GPC6: variants seen among roughly 807,000 people sequenced by gnomAD.
GPC6 encodes the protein glypican-6.
GPC6 carries 14 observed loss-of-function variants against 55.2 expected under a neutral mutation model. That is an observed-to-expected ratio of 0.25 (90% CI 0.17 to 0.40). GPC6 has a LOEUF of 0.40. GPC6 is among the 10% of genes least tolerant of loss of function. The pLI is 1.00. For synonymous variants in GPC6, 278 were observed against 259.6 expected, an observed-to-expected ratio of 1.07 and a Z score of -0.68; for missense variants, 641 against 708.5, an observed-to-expected ratio of 0.90 and a Z score of 1.08.
rs545629765 is a variant in GPC6, at chr13:93,750,844, A to G, written c.320-79310A>G. Among the ~76,000 whole-genome samples, 7 of 152,280 alleles carry G rather than the reference A, an allele frequency of 4.6e-5. No individual in the cohort carries two copies. The East Asian group carries it at 1.4e-3, about 29-fold the overall frequency. On this transcript the variant is annotated intron_variant, in intron 2 of 8. Transcript: ENST00000377047. Reference sequence around the variant, plus strand: ...ACTGCCTTGTTTCTGAACTACCACCATGGTGATTCCAAGGCGAGTCCAACA... The same window carrying G: ...ACTGCCTTGTTTCTGAACTACCACCGTGGTGATTCCAAGGCGAGTCCAACA...
chr13:94,054,099 A>G (rs932176220), intron 4 of GPC6, among the ~76,000 whole-genome samples: 1 of 152,198 alleles, frequency 6.6e-6, no homozygotes, highest in African/African-American at 2.4e-5. Flanking sequence ...TGTTCACCAG[A>G]TGGCATTCTG....
At chr13:93,842,927 C>A (rs374294477) in intron 3 of GPC6, among the ~76,000 whole-genome samples, 243 of 152,096 alleles carry the variant, frequency 1.6e-3, no homozygotes, top group Middle Eastern at 0.01. Context: ...ATTCTAAATT[C>A]TCCATACCCA....
chr13:93,769,849 G>C (rs1885235662), intron 2 of GPC6, among the ~76,000 whole-genome samples: 1 of 152,160 alleles, frequency 6.6e-6, no homozygotes, highest in Non-Finnish European at 1.5e-5. Flanking sequence ...GTAGGCACCA[G>C]CATCACCTGG....
intron 4 of GPC6, among the ~76,000 whole-genome samples, chr13:94,115,308 G>T (rs748990184): frequency 6.6e-6 from 1 of 152,002 alleles, no homozygotes; most frequent in Non-Finnish European, 1.5e-5. Context: ...GATTTGAAAC[G>T]CACTGGTAAT....
intron 6 of GPC6, among the ~76,000 whole-genome samples, chr13:94,377,963 G>A (rs991106299): frequency 2.6e-4 from 40 of 151,996 alleles, no homozygotes; most frequent in African/African-American, 4.1e-4. Context: ...ACCAAACACC[G>A]CATATTCTCA....
chr13:93,567,464 T>C (rs930668257), intron 2 of GPC6, among the ~76,000 whole-genome samples: 2 of 151,586 alleles, frequency 1.3e-5, no homozygotes, highest in Non-Finnish European at 2.9e-5. Flanking sequence ...TGTTAGCCTA[T>C]TGTTCTATTG....
At chr13:94,263,424 G>A (rs1020293241) in intron 4 of GPC6, among the ~76,000 whole-genome samples, 2 of 152,128 alleles carry the variant, frequency 1.3e-5, no homozygotes, top group Non-Finnish European at 2.9e-5. Flanking sequence ...CCATTAAAAG[G>A]AATGGTGACA....
At chr13:93,991,509 A>G (rs991791057) in intron 3 of GPC6, among the ~76,000 whole-genome samples, 7 of 152,190 alleles carry the variant, frequency 4.6e-5, no homozygotes, top group African/African-American at 1.7e-4. Context: ...ATTGTATATC[A>G]ACAAATTTTT....
chr13:94,109,693 T>C (rs1367200044), intron 4 of GPC6, among the ~76,000 whole-genome samples: 1 of 152,144 alleles, frequency 6.6e-6, no homozygotes, highest in African/African-American at 2.4e-5. Context: ...TTTGTGTGTA[T>C]TATGGACAAA....
chr13:93,622,459 G>A (rs891700253), intron 2 of GPC6, among the ~76,000 whole-genome samples: 4 of 151,318 alleles, frequency 2.6e-5, no homozygotes, highest in Non-Finnish European at 5.9e-5. Context: ...TTCTCTGTAG[G>A]TTAAAGATAC....
intron 1 of GPC6, among the ~76,000 whole-genome samples, chr13:93,315,817 A>C (rs1879227833): frequency 6.6e-6 from 1 of 151,900 alleles, no homozygotes; most frequent in African/African-American, 2.4e-5. Flanking sequence ...GTGGGGAGTC[A>C]CTGCCCCATC....
rs138367366 is a variant in GPC6, at chr13:93,323,576, T to A, written c.160+95960T>A. Reference sequence around the variant, plus strand: ...TGTGGGGTTAGCAAGTTCCGCCTCCTCAACAGGACTATGCCTGTGTGGCTC... The same window carrying A: ...TGTGGGGTTAGCAAGTTCCGCCTCCACAACAGGACTATGCCTGTGTGGCTC... On this transcript the variant is annotated intron_variant, in intron 1 of 8. Coordinates refer to ENST00000377047, the MANE Select transcript of GPC6 (RefSeq NM_005708.5). Among the ~76,000 whole-genome samples, 17 of 152,284 alleles carry A rather than the reference T, an allele frequency of 1.1e-4. No homozygotes were observed. The East Asian group carries it at 1.2e-3, about 10-fold the overall frequency.
At chr13:93,370,549 C>A (rs879352840) in intron 1 of GPC6, among the ~76,000 whole-genome samples, 3 of 152,008 alleles carry the variant, frequency 2.0e-5, no homozygotes, top group Admixed American at 2.0e-4. Flanking sequence ...CTAGATATAG[C>A]AAAGTCCCAG....
At chr13:94,019,572 C>G (rs1200841951) in intron 3 of GPC6, among the ~76,000 whole-genome samples, 1 of 152,050 alleles carries the variant, frequency 6.6e-6, no homozygotes, top group Admixed American at 6.6e-5. Flanking sequence ...ATGCATTGCT[C>G]CAGTCACTGC....
At chr13:93,674,878 A>G (rs145767624) in intron 2 of GPC6, among the ~76,000 whole-genome samples, 1 of 152,252 alleles carries the variant, frequency 6.6e-6, no homozygotes, top group East Asian at 1.9e-4. Flanking sequence ...GTTCTCTCCA[A>G]AGAAAGACAG....
intron 1 of GPC6, among the ~76,000 whole-genome samples, chr13:93,281,126 A>C (rs924758022): frequency 3.9e-4 from 60 of 152,234 alleles, no homozygotes; most frequent in African/African-American, 1.4e-3. Context: ...GATTTGAATC[A>C]GGATTTGGCC....
At chr13:93,231,404 T>TAC in intron 1 of GPC6, among the ~76,000 whole-genome samples, 1 of 42,136 alleles carries the variant, frequency 2.4e-5, no homozygotes, top group East Asian at 7.5e-4. Flanking sequence ...TATGTATATA[T>TAC]ATATATATAT....
At chr13:93,389,885 A>C (rs1412392348) in intron 1 of GPC6, among the ~76,000 whole-genome samples, 1 of 152,188 alleles carries the variant, frequency 6.6e-6, no homozygotes, top group East Asian at 1.9e-4. Context: ...AAAAAATAAG[A>C]GTCTGCACAT....
intron 3 of GPC6, among the ~76,000 whole-genome samples, chr13:93,846,792 AT>A (rs1179773529): frequency 6.6e-6 from 1 of 152,062 alleles, no homozygotes; most frequent in Non-Finnish European, 1.5e-5. Flanking sequence ...CCAGCCTCAA[AT>A]TTTGGTGTGT....
Sources: gnomAD v4.1 joint callset for allele counts (sites outside exome capture counted in the v4.1 genomes callset) on GRCh38, gnomAD v4.1.1 for gene constraint, MANE v1.5 for transcripts, NCBI Gene and HGNC (gene_info 2026-07-23, HGNC 2026-07-21) for gene names.